The following PHF21A variants were observed in gnomAD, a reference collection of about 807,000 sequenced individuals.
PHF21A encodes the protein PHD finger protein 21A, also known as BHC80a.
A neutral mutation model predicts 82.5 loss-of-function variants in PHF21A; 11 were observed. The ratio of observed to expected loss-of-function variants is 0.13; its 90% CI spans 0.08 to 0.22. The LOEUF (loss-of-function observed/expected upper bound fraction) is 0.22. Among genes scored for constraint, PHF21A ranks in the 10% least tolerant of loss-of-function variants. The probability of loss-of-function intolerance (pLI) is 1.00; values close to 1 mark genes in which losing one functional copy is unlikely to be tolerated. For synonymous variants in PHF21A, 297 were observed against 302.8 expected, an observed-to-expected ratio of 0.98 and a Z score of 0.20; for missense variants, 579 against 837.8, an observed-to-expected ratio of 0.69 and a Z score of 3.81.
chr11:45,938,078 T>G (rs906940953), intron 16 of PHF21A, 79 bp downstream of exon 16: 3 of 1,267,526 alleles, frequency 2.4e-6, no homozygotes, highest in Non-Finnish European at 3.3e-6. Flanking sequence ...GACTGCCATT[T>G]CCCCGGGAAA....
chr11:45,949,618 G>A (rs1457018286), intron 12 of PHF21A, 137 bp from the exon 13 acceptor site: 2 of 747,508 alleles, frequency 2.7e-6, no homozygotes, highest in African/African-American at 3.5e-5. Flanking sequence ...AGCCTCAGCA[G>A]AGGCAAGCAC....
intron 10 of PHF21A, among the ~76,000 whole-genome samples, chr11:45,958,754 TAAA>T (rs1374896951): frequency 6.6e-6 from 1 of 151,798 alleles, no homozygotes; most frequent in Admixed American, 6.6e-5. Flanking sequence ...CATCTCTACA[TAAA>T]ATTTAACAAA....
Position 45,979,953 on chromosome 11 carries a change from T to A in PHF21A, c.167A>T (p.Glu56Val). The change falls in exon 7 of 19, where the codon GAA becomes GTA. Residue 56 changes from glutamate (E) to valine (V), a missense_variant. Glu to Val is a moderately radical substitution (Grantham distance 121). Coordinates refer to ENST00000676320, the MANE Select transcript of PHF21A (RefSeq NM_001352027.3). ...TACTATCAGGTTCTTCCGTAGCTGT[T>A]CAACTACTCTTTTCTACCAAATGAA... ...ALSEKQKRVV[E>V]QLRKNLIVKQ... 6.2e-7 allele frequency: 1 copy of A among 1,614,046 alleles called. No individual in the cohort carries two copies. Among genetic ancestry groups the A allele is most frequent in the Non-Finnish European group, 8.5e-7 (1 of 1,179,886 alleles).
At position 46,076,662 on chromosome 11, in the gene PHF21A, T is replaced by G. The variant is rs1211450654; in HGVS notation, c.153+92A>C. Reference sequence around the variant, plus strand: ...GGCTGCCCACACTTATTTTCACACATGAGGAAAAATAGCAGTTCTCTTAGA... The same window carrying G: ...GGCTGCCCACACTTATTTTCACACAGGAGGAAAAATAGCAGTTCTCTTAGA... On this transcript the variant is annotated intron_variant, in intron 6 of 18. Coordinates refer to ENST00000676320, the MANE Select transcript of PHF21A (RefSeq NM_001352027.3). 4 of 961,442 alleles carry G rather than the reference T, an allele frequency of 4.2e-6. No individual in the cohort carries two copies. The African/African-American group carries it at 6.6e-5, about 16-fold the overall frequency. The allele number at this position is 961,442 out of a possible 1,614,324, so 59.6% of individuals were successfully genotyped here. A position where few individuals can be genotyped will look rare whatever the true frequency, so the allele number is the denominator to read the frequency against.
chr11:46,105,521 T>TCC (rs2097143766), intron 1 of PHF21A, among the ~76,000 whole-genome samples: 1 of 152,036 alleles, frequency 6.6e-6, no homozygotes. Context: ...TTCAGAGACG[T>TCC]CCCTGTGCAA....
At chr11:46,103,309 G>C (rs2097119422) in intron 1 of PHF21A, among the ~76,000 whole-genome samples, 1 of 152,046 alleles carries the variant, frequency 6.6e-6, no homozygotes, top group Non-Finnish European at 1.5e-5. Context: ...CTAAAGTAAA[G>C]AAAACTTAAT....
Position 45,934,142 on chromosome 11 carries a change from G to A in PHF21A, c.1872C>T (p.Arg624=), listed in dbSNP as rs112782705. 8 of 1,614,124 alleles carry A rather than the reference G, an allele frequency of 5.0e-6. No individual in the cohort carries two copies. Among genetic ancestry groups the A allele is most frequent in the African/African-American group, 4.0e-5 (3 of 75,038 alleles). The change falls in exon 19 of 19, where the codon CGC becomes CGT. Residue 624 remains arginine, a synonymous_variant. Transcript: ENST00000676320. ...SSLEKVKQLI[R]LIHGIDLSKP... is the part of the protein sequence containing the mutation. ...TGGAGAGGTCGATGCCGTGGATGAG[G>A]CGAATCAGCTGTTTTACCTTCTCCA...
intron 4 of PHF21A, among the ~76,000 whole-genome samples, 186 bp from the exon 5 acceptor site, chr11:46,079,352 A>T (rs2096762851): frequency 6.6e-6 from 1 of 152,254 alleles, no homozygotes; most frequent in Admixed American, 6.5e-5. Context: ...TTTAATAAAA[A>T]AATCAAACCA....
chr11:46,030,877 T>G (rs866096688), intron 6 of PHF21A, among the ~76,000 whole-genome samples: 1 of 148,254 alleles, frequency 6.7e-6, no homozygotes, highest in South Asian at 2.1e-4. Context: ...GTGTTTCCAG[T>G]AGCAATTTCT....
chr11:46,018,972 C>T (rs934150743), intron 6 of PHF21A, among the ~76,000 whole-genome samples: 1 of 152,054 alleles, frequency 6.6e-6, no homozygotes, highest in Admixed American at 6.5e-5. Context: ...ACACACACAT[C>T]ATGTAAGAAG....
intron 1 of PHF21A, among the ~76,000 whole-genome samples, chr11:46,098,092 C>G (rs968913468): frequency 1.3e-5 from 2 of 152,192 alleles, no homozygotes; most frequent in African/African-American, 4.8e-5. Flanking sequence ...GGCCTTCAAA[C>G]AGCCTAAAAC....
intron 4 of PHF21A, 69 bp downstream of exon 4, chr11:46,084,097 G>A: frequency 1.8e-6 from 2 of 1,109,698 alleles, no homozygotes; most frequent in South Asian, 1.4e-5. Flanking sequence ...AAACACCAGA[G>A]ATGGACTTGT....
intron 1 of PHF21A, among the ~76,000 whole-genome samples, chr11:46,107,762 G>C (rs1278565291): frequency 6.6e-6 from 1 of 152,046 alleles, no homozygotes; most frequent in Non-Finnish European, 1.5e-5. Flanking sequence ...CTGGAATCAA[G>C]AGTTCTATTT....
At chr11:46,062,657 G>C (rs2096549512) in intron 6 of PHF21A, among the ~76,000 whole-genome samples, 1 of 152,078 alleles carries the variant, frequency 6.6e-6, no homozygotes, top group Non-Finnish European at 1.5e-5. Context: ...TCTTGGCTAT[G>C]TTCATATTTA....
intron 9 of PHF21A, 71 bp from the exon 10 acceptor site, chr11:45,965,679 C>T (rs2093392777): frequency 2.6e-6 from 3 of 1,161,460 alleles, no homozygotes; most frequent in Admixed American, 5.5e-5. Context: ...AAATCTTCCA[C>T]ACTCTATGTA....
intron 6 of PHF21A, among the ~76,000 whole-genome samples, chr11:46,013,895 G>A (rs2095462318): frequency 6.6e-6 from 1 of 152,202 alleles, no homozygotes; most frequent in Non-Finnish European, 1.5e-5. Flanking sequence ...GGGTGAGTCA[G>A]TGAATGAGTG....
chr11:46,025,768 G>C (rs1204466000), intron 6 of PHF21A, among the ~76,000 whole-genome samples: 1 of 151,828 alleles, frequency 6.6e-6, no homozygotes, highest in Non-Finnish European at 1.5e-5. Flanking sequence ...TTTTTCTCTG[G>C]AATTATTTGC....
chr11:46,120,317 G>C (rs1425083242), intron 1 of PHF21A: 1 of 105,528 alleles, frequency 9.5e-6, no homozygotes, highest in South Asian at 3.8e-4. Flanking sequence ...GGGTGGGGGG[G>C]ATGGAGGAGC....
At chr11:46,102,860 CCT>C (rs1424149783) in intron 1 of PHF21A, among the ~76,000 whole-genome samples, 1 of 152,182 alleles carries the variant, frequency 6.6e-6, no homozygotes, top group African/African-American at 2.4e-5. Context: ...TCAGTATCTC[CCT>C]GTTTAAAAAC....
Sources: gnomAD v4.1 joint callset for allele counts (sites outside exome capture counted in the v4.1 genomes callset) on GRCh38, gnomAD v4.1.1 for gene constraint, MANE v1.5 for transcripts, NCBI Gene and HGNC (gene_info 2026-07-23, HGNC 2026-07-21) for gene names.